Variants in ARHGAP24 observed in about 807,000 individuals in gnomAD.
ARHGAP24 encodes the protein Rho GTPase activating protein 24, also known as rho GTPase-activating protein 24.
A neutral mutation model predicts 76.4 loss-of-function variants in ARHGAP24; 50 were observed. The observed-to-expected ratio is 0.65, with a 90% CI of 0.52 to 0.83. ARHGAP24 has a LOEUF of 0.83. ARHGAP24 is among the 40% of genes least tolerant of loss of function. The pLI is 0.00. For synonymous variants in ARHGAP24, 345 were observed against 323.3 expected, an observed-to-expected ratio of 1.07 and a Z score of -0.72; for missense variants, 930 against 914.2, an observed-to-expected ratio of 1.02 and a Z score of -0.22.
chr4:85,972,160 G>C lies in ARHGAP24; in HGVS notation c.724G>C (p.Glu242Gln). The C allele has an allele frequency of 6.2e-7, 1 of 1,613,558 alleles. No individual in the cohort carries two copies. The highest frequency in any genetic ancestry group is 8.5e-7 in the Non-Finnish European group (1 of 1,179,952). The change falls in exon 6 of 10, where the codon GAG becomes CAG. Residue 242 changes from glutamate (E) to glutamine (Q), a missense_variant. Glu to Gln is a conservative substitution (Grantham distance 29). Transcript: ENST00000395184. The stretch of plus-strand genomic sequence containing the variant: ...ATGTGCCAAACTGCTCAGCAAGGAA[G>C]AGGAAGCAGTAAGTTGATGCATTTA... ...LSCAKLLSKE[E>Q]EAGVKELAKQ...
At chr4:85,822,183 A>C (rs1040124271) in intron 3 of ARHGAP24, among the ~76,000 whole-genome samples, 2 of 152,172 alleles carry the variant, frequency 1.3e-5, no homozygotes, top group African/African-American at 4.8e-5. Flanking sequence ...CTATGACTTA[A>C]CTATTAAAAA....
Position 85,564,476 on chromosome 4 carries a change from G to A in ARHGAP24, c.-20-6046G>A, listed in dbSNP as rs974282187. Among the ~76,000 whole-genome samples the A allele has an allele frequency of 4.6e-5, 7 of 151,482 alleles. 1 individual carries two copies. The highest frequency in any genetic ancestry group is 4.2e-4 in the South Asian group (2 of 4,798). On this transcript the variant is annotated intron_variant, in intron 1 of 9. Transcript: ENST00000395184. ...TTAATGGGTGCAGCACACCAACATG[G>A]CACATGTATACATATGTAACAAACC...
chr4:86,000,440 T>TGGGGGGGGGGGGGGGGGGGGGGG, intron 9 of ARHGAP24, 39 bp from the exon 10 acceptor site: 1 of 861,206 alleles, frequency 1.2e-6, no homozygotes, highest in Non-Finnish European at 1.8e-6. Context: ...CTCTTACTCT[T>TGGGGGGGGGGGGGGGGGGGGGGG]GCGTCCCCAC....
chr4:85,826,415 G>A (rs1162107137), intron 3 of ARHGAP24, among the ~76,000 whole-genome samples: 2 of 152,116 alleles, frequency 1.3e-5, no homozygotes, highest in Non-Finnish European at 2.9e-5. Context: ...ACACTAGACG[G>A]GGCTCATGCT....
chr4:85,923,389 TG>T (rs1384385885), intron 3 of ARHGAP24, among the ~76,000 whole-genome samples: 1 of 152,218 alleles, frequency 6.6e-6, no homozygotes, highest in African/African-American at 2.4e-5. Context: ...TGCAGGCCTG[TG>T]GGTTGTTGCT....
intron 2 of ARHGAP24, among the ~76,000 whole-genome samples, chr4:85,596,795 G>A (rs1195209744): frequency 1.3e-5 from 2 of 151,966 alleles, no homozygotes; most frequent in Non-Finnish European, 2.9e-5. Flanking sequence ...TTGATAACTA[G>A]ATTTTTTTAC....
At chr4:85,668,970 A>C (rs947120057) in intron 2 of ARHGAP24, among the ~76,000 whole-genome samples, 4 of 152,148 alleles carry the variant, frequency 2.6e-5, no homozygotes, top group African/African-American at 9.7e-5. Context: ...AAGTGGGTAG[A>C]TTTAGGTCCT....
At chr4:85,787,060 A>G (rs1407149103) in intron 3 of ARHGAP24, among the ~76,000 whole-genome samples, 10 of 152,188 alleles carry the variant, frequency 6.6e-5, no homozygotes, top group Admixed American at 3.3e-4. Context: ...TTCACCCACA[A>G]ATCCCAAATT....
At chr4:85,982,962 T>C (rs1178391338) in intron 8 of ARHGAP24, among the ~76,000 whole-genome samples, 1 of 152,038 alleles carries the variant, frequency 6.6e-6, no homozygotes, top group African/African-American at 2.4e-5. Context: ...GTTGTTCCCC[T>C]CCCTATGTCC....
At chr4:85,673,695 C>CTTT (rs1381999823) in intron 2 of ARHGAP24, among the ~76,000 whole-genome samples, 2 of 144,624 alleles carry the variant, frequency 1.4e-5, no homozygotes, top group Non-Finnish European at 3.1e-5. Context: ...TAAAGTGAAA[C>CTTT]ACCAGTGGGG....
chr4:85,556,347 G>A (rs1172961412), intron 1 of ARHGAP24, among the ~76,000 whole-genome samples: 1 of 152,188 alleles, frequency 6.6e-6, no homozygotes, highest in Admixed American at 6.5e-5. Flanking sequence ...TCAGTTGCGG[G>A]TGGAGGAGCT....
chr4:85,966,982 G>A (rs547828337), intron 5 of ARHGAP24, among the ~76,000 whole-genome samples: 4 of 152,182 alleles, frequency 2.6e-5, no homozygotes, highest in Admixed American at 2.0e-4. Context: ...GGTTTTGTCT[G>A]TGTAATATTA....
rs142935163 is a variant in ARHGAP24 at position 85,750,267 on chromosome 4, T to C, written c.268+28295T>C. Among the ~76,000 whole-genome samples the C allele has an allele frequency of 3.2e-3, 489 of 152,208 alleles. 3 individuals are homozygous for C. Among genetic ancestry groups the C allele is most frequent in the African/African-American group, 0.011 (470 of 41,522 alleles). On this transcript the variant is annotated intron_variant, in intron 3 of 9. Transcript: ENST00000395184. ...TGATATGGAGTGATTTGGGAGTCTA[T>C]TTGGATAGTGAGATCAGAGATTTCT... is the stretch of plus-strand genomic sequence containing the variant.
chr4:85,797,378 T>A (rs964112478), intron 3 of ARHGAP24, among the ~76,000 whole-genome samples: 17 of 152,162 alleles, frequency 1.1e-4, no homozygotes, highest in African/African-American at 3.6e-4. Flanking sequence ...TTTCACCGTG[T>A]TAGCCAGGAT....
intron 2 of ARHGAP24, among the ~76,000 whole-genome samples, chr4:85,717,935 C>A (rs1232478253): frequency 6.6e-6 from 1 of 152,084 alleles, no homozygotes; most frequent in Non-Finnish European, 1.5e-5. Flanking sequence ...GGTAGTCTGT[C>A]AACATATTAC....
intron 2 of ARHGAP24, among the ~76,000 whole-genome samples, chr4:85,657,136 G>A (rs1285008999): frequency 6.7e-6 from 1 of 150,358 alleles, no homozygotes; most frequent in Non-Finnish European, 1.5e-5. Context: ...CATAAGAATT[G>A]ATGGATTTTG....
chr4:85,547,692 T>C (rs1725972754), intron 1 of ARHGAP24, among the ~76,000 whole-genome samples: 1 of 152,132 alleles, frequency 6.6e-6, no homozygotes, highest in Admixed American at 6.6e-5. Flanking sequence ...CACCTCAGCC[T>C]CCCGAAGTGC....
At chr4:85,683,637 A>T (rs934425982) in intron 2 of ARHGAP24, among the ~76,000 whole-genome samples, 4 of 147,000 alleles carry the variant, frequency 2.7e-5, no homozygotes, top group Non-Finnish European at 6.0e-5. Context: ...GACACATAAC[A>T]TGAGATCTAC....
intron 1 of ARHGAP24, among the ~76,000 whole-genome samples, chr4:85,535,682 G>A (rs189176681): frequency 6.6e-6 from 1 of 152,230 alleles, no homozygotes; most frequent in East Asian, 1.9e-4. Context: ...CTCTAACAAA[G>A]AGACTACGGT....
Sources: allele counts gnomAD v4.1 joint callset (sites outside exome capture counted in the v4.1 genomes callset), GRCh38; gene constraint gnomAD v4.1.1; transcripts MANE v1.5; gene names NCBI Gene and HGNC (gene_info 2026-07-23, HGNC 2026-07-21).